TEX11: variants seen among roughly 807,000 people sequenced by gnomAD.
TEX11 encodes the protein testis expressed 11.
In TEX11, 7 loss-of-function variants were observed where a neutral mutation model predicts 84.4. The observed-to-expected ratio is 0.08, with a 90% CI of 0.05 to 0.16. The LOEUF is 0.16. Ranked by LOEUF, TEX11 falls within the 10% of genes least tolerant of loss-of-function variation. TEX11 has a pLI of 1.00. For synonymous variants in TEX11, 264 were observed against 222.8 expected (o/e 1.18, Z -1.64); for missense variants, 551 against 660.5 (o/e 0.83, Z 1.82).
chrX:70,582,721 CATTTATTT>C (rs200086003), intron 25 of TEX11, among the ~76,000 whole-genome samples: 29 of 48,243 alleles, frequency 6.0e-4, no homozygotes, highest in African/African-American at 1.8e-3. Flanking sequence ...CTCCTATGTA[CATTTATTT>C]ATTTATTTAT....
chrX:70,679,554 C>G (rs757214975), intron 14 of TEX11, among the ~76,000 whole-genome samples: 330 of 111,697 alleles, frequency 3.0e-3, no homozygotes, highest in Non-Finnish European at 5.3e-3. Context: ...GCCCGGCCGC[C>G]CCGTCTGAGA....
intron 12 of TEX11, among the ~76,000 whole-genome samples, chrX:70,724,935 C>T (rs2090587978): frequency 9.0e-6 from 1 of 110,697 alleles, no homozygotes; most frequent in African/African-American, 3.3e-5. Context: ...AAAGGCTTTT[C>T]CCATTAATAG....
At chrX:70,568,682 C>A (rs1036366354) in intron 25 of TEX11, among the ~76,000 whole-genome samples, 7 of 110,997 alleles carry the variant, frequency 6.3e-5, no homozygotes, top group African/African-American at 2.3e-4. Flanking sequence ...TTTGGCTGGA[C>A]ATGAAATTCT....
intron 8 of TEX11, among the ~76,000 whole-genome samples, chrX:70,809,448 G>C (rs919327064): frequency 3.6e-5 from 4 of 110,973 alleles, no homozygotes; most frequent in Non-Finnish European, 5.7e-5. Context: ...TGGAGTGACA[G>C]GAAGTGAGCA....
At chrX:70,788,070 G>A (rs999216128) in intron 9 of TEX11, among the ~76,000 whole-genome samples, 7 of 110,657 alleles carry the variant, frequency 6.3e-5, no homozygotes, top group Admixed American at 1.9e-4. Flanking sequence ...AATTCATATT[G>A]TTACAATATC....
At position 70,539,038 on chromosome X, in the gene TEX11, A is replaced by ATT. The variant is rs775537536; in HGVS notation, c.2521-9041_2521-9040dup. Among the ~76,000 whole-genome samples the ATT allele has an allele frequency of 4.6e-4, 19 of 41,243 alleles. No individual in the cohort carries two copies. In the East Asian group the frequency reaches 8.0e-3, roughly 17 times the overall value. The allele number at this position is 41,243 out of a possible 115,157, so 35.8% of individuals were successfully genotyped here. ...CTTGGAAATATATATATATATATATATTTTTTTTTTTTTTAAGATGGAGTC... is the reference window on the plus strand; with the variant it reads ...CTTGGAAATATATATATATATATATATTTTTTTTTTTTTTTTAAGATGGAGTC... On this transcript the variant is annotated intron_variant, in intron 28 of 29. Transcript: ENST00000374333.
At chrX:70,537,730 C>T (rs937226477) in intron 28 of TEX11, among the ~76,000 whole-genome samples, 2 of 111,137 alleles carry the variant, frequency 1.8e-5, no homozygotes, top group Non-Finnish European at 3.8e-5. Context: ...GCGTTAGTTA[C>T]CAATCTTGAA....
intron 8 of TEX11, among the ~76,000 whole-genome samples, chrX:70,827,804 G>A (rs754237515): frequency 4.5e-5 from 5 of 111,925 alleles, no homozygotes; most frequent in Admixed American, 1.9e-4. Flanking sequence ...GGTTGTGGGG[G>A]AACTCACCAT....
At chrX:70,753,894 T>C (rs961983687) in intron 9 of TEX11, among the ~76,000 whole-genome samples, 19 of 110,083 alleles carry the variant, frequency 1.7e-4, no homozygotes, top group African/African-American at 5.6e-4. Flanking sequence ...GAATCATTCA[T>C]CATCTGCTAA....
At chrX:70,885,573 T>C (rs2091703621) in intron 2 of TEX11, among the ~76,000 whole-genome samples, 1 of 111,118 alleles carries the variant, frequency 9.0e-6, no homozygotes, top group Non-Finnish European at 1.9e-5. Flanking sequence ...TCACCTCACA[T>C]CCATTAAGAT....
intron 10 of TEX11, 73 bp downstream of exon 10, chrX:70,744,092 T>TATTATA: frequency 1.6e-6 from 1 of 616,616 alleles, no homozygotes; most frequent in Non-Finnish European, 2.3e-6. Flanking sequence ...GGGAGTACGC[T>TATTATA]ATTATAATTT....
intron 2 of TEX11, among the ~76,000 whole-genome samples, chrX:70,881,005 C>CAAAAAAA (rs11284342): frequency 6.1e-4 from 28 of 46,187 alleles, no homozygotes; most frequent in South Asian, 1.4e-3. Context: ...AGACATCATC[C>CAAAAAAA]AAAAAAAAAA....
At chrX:70,856,746 G>T (rs906201109) in intron 5 of TEX11, among the ~76,000 whole-genome samples, 1 of 110,977 alleles carries the variant, frequency 9.0e-6, no homozygotes, top group Non-Finnish European at 1.9e-5. Flanking sequence ...TAAAGGAAAC[G>T]ATGGACTATT....
chrX:70,902,986 C>T (rs2091811241), intron 2 of TEX11, among the ~76,000 whole-genome samples: 2 of 111,251 alleles, frequency 1.8e-5, no homozygotes, highest in African/African-American at 6.5e-5. Flanking sequence ...AAGACACAAA[C>T]ACATACATTA....
chrX:70,559,637 C>T (rs2088336877), intron 25 of TEX11, among the ~76,000 whole-genome samples: 1 of 112,173 alleles, frequency 8.9e-6, no homozygotes, highest in African/African-American at 3.2e-5. Context: ...TTCTTTTACT[C>T]ATAATGTCTG....
At chrX:70,543,366 T>C (rs2088073719) in intron 28 of TEX11, among the ~76,000 whole-genome samples, 1 of 111,091 alleles carries the variant, frequency 9.0e-6, no homozygotes, top group Non-Finnish European at 1.9e-5. Context: ...AGCCAGAGAA[T>C]TGGAACTGCA....
At chrX:70,542,425 C>T (rs2088058224) in intron 28 of TEX11, among the ~76,000 whole-genome samples, 1 of 111,233 alleles carries the variant, frequency 9.0e-6, no homozygotes, top group Non-Finnish European at 1.9e-5. Flanking sequence ...TTATAGCAGC[C>T]CGAATTGACT....
chrX:70,806,586 T>C, intron 9 of TEX11, 119 bp downstream of exon 9: 1 of 473,876 alleles, frequency 2.1e-6, no homozygotes, highest in South Asian at 3.2e-5. Context: ...TAAATAAATA[T>C]AGCATGTTGG....
intron 24 of TEX11, among the ~76,000 whole-genome samples, chrX:70,604,465 T>C (rs1456072783): frequency 1.8e-5 from 2 of 111,271 alleles, no homozygotes; most frequent in East Asian, 5.6e-4. Flanking sequence ...GGCTTCTTTA[T>C]CTCTGTATCC....
Sources: gnomAD v4.1 joint callset for allele counts (sites outside exome capture counted in the v4.1 genomes callset) on GRCh38, gnomAD v4.1.1 for gene constraint, MANE v1.5 for transcripts, NCBI Gene and HGNC (gene_info 2026-07-23, HGNC 2026-07-21) for gene names.